The following ENPEP variants were observed in gnomAD, a reference collection of about 807,000 sequenced individuals.
The protein encoded by ENPEP is AP-A.
ENPEP carries 103 observed loss-of-function variants against 114.5 expected under a neutral mutation model. That is an observed-to-expected ratio of 0.90 (90% confidence interval 0.77 to 1.06). The LOEUF is 1.06. Ranked by LOEUF, ENPEP falls within the 50% of genes least tolerant of loss-of-function variation. The probability of loss-of-function intolerance (pLI) is 0.00; values close to 1 mark genes in which losing one functional copy is unlikely to be tolerated. For synonymous variants in ENPEP, 420 were observed against 422.0 expected (o/e 1.00, Z 0.06); for missense variants, 1,196 against 1,161.3 (o/e 1.03, Z -0.43).
chr4:110,549,800 G>C lies in ENPEP; in HGVS notation c.2415G>C (p.Glu805Asp), dbSNP rs778466942. 12 of 1,613,428 alleles carry C rather than the reference G, an allele frequency of 7.4e-6. No individual in the cohort carries two copies. Among genetic ancestry groups the C allele is most frequent in the Non-Finnish European group, 1.0e-5 (12 of 1,179,580 alleles). ...AGATTTCATGGAACTACACTCTTGA[G>C]CAATACCAGAAAACTTCATTAGCTC... Reference protein sequence around the residue: ...GNEISWNYTLEQYQKTSLAQE... With the variant: ...GNEISWNYTLDQYQKTSLAQE... Residue 805 changes from glutamate to aspartate, a missense_variant, in exon 17 of 20, where the codon GAG becomes GAC. Glu to Asp is a conservative substitution (Grantham distance 45). Transcript: ENST00000265162.
chr4:110,533,830 G>A (rs1362992369), intron 11 of ENPEP, among the ~76,000 whole-genome samples: 1 of 152,084 alleles, frequency 6.6e-6, no homozygotes, highest in Admixed American at 6.5e-5. Context: ...GAGCTTATTT[G>A]TTATTGTTGT....
At chr4:110,536,958 G>T (rs1251934663) in intron 11 of ENPEP, among the ~76,000 whole-genome samples, 1 of 152,126 alleles carries the variant, frequency 6.6e-6, no homozygotes, top group Non-Finnish European at 1.5e-5. Context: ...TACAAGTGAT[G>T]TTTACACTAT....
At chr4:110,488,790 T>A (rs749672413) in intron 2 of ENPEP, 108 bp downstream of exon 2, 31 of 1,401,056 alleles carry the variant, frequency 2.2e-5, no homozygotes, top group Non-Finnish European at 2.8e-5. Context: ...AAACTAAATG[T>A]GCACTAATAG....
chr4:110,536,626 C>T (rs1230945761), intron 11 of ENPEP, among the ~76,000 whole-genome samples: 1 of 152,164 alleles, frequency 6.6e-6, no homozygotes, highest in Non-Finnish European at 1.5e-5. Context: ...TTCTGTAGGA[C>T]CAGACCTGTC....
chr4:110,549,232 G>C (rs186214938), intron 14 of ENPEP, 114 bp from the exon 15 acceptor site: 170 of 850,352 alleles, frequency 2.0e-4, no homozygotes, highest in East Asian at 1.1e-3. Flanking sequence ...CAAGCGCAAA[G>C]TTCTCTGAAT....
chr4:110,515,644 T>C, intron 8 of ENPEP: 6 of 619,468 alleles, frequency 9.7e-6, no homozygotes, highest in Non-Finnish European at 1.8e-5. Flanking sequence ...TTAGCAGAAG[T>C]CTCATGGAGA....
intron 3 of ENPEP, among the ~76,000 whole-genome samples, chr4:110,503,830 G>A (rs949419720): frequency 2.0e-5 from 3 of 152,200 alleles, no homozygotes; most frequent in African/African-American, 7.2e-5. Context: ...TCTCAGGGGC[G>A]TTATGTTAGC....
rs1267259798 is a variant in ENPEP at position 110,564,036 on chromosome 4, G to A, written c.*2478G>A. On this transcript the variant is annotated 3_prime_UTR_variant, in exon 20 of 20. Transcript: ENST00000265162. ...GGGATGAGAAGGAAGTAGAAAAGAG[G>A]GGATTCAAATTACCAGTGGTGCTTT... 6.6e-6 allele frequency: 1 copy of A among 151,310 alleles called. No homozygotes were observed. The highest frequency in any genetic ancestry group is 2.4e-5 in the African/African-American group (1 of 41,226). 9.4% of individuals were successfully genotyped at this position (151,310 alleles called of 1,614,324 possible). A position where few individuals can be genotyped will look rare whatever the true frequency, so the allele number is the denominator to read the frequency against.
chr4:110,542,991 ATC>A, intron 12 of ENPEP, 22 bp from the exon 13 acceptor site: 1 of 1,612,264 alleles, frequency 6.2e-7, no homozygotes, highest in Non-Finnish European at 8.5e-7. Flanking sequence ...TTGTGTTTTT[ATC>A]TCTCTTTCTC....
intron 14 of ENPEP, 86 bp downstream of exon 14, chr4:110,548,412 G>A: frequency 3.4e-6 from 4 of 1,181,600 alleles, no homozygotes; most frequent in Non-Finnish European, 4.5e-6. Flanking sequence ...GAGCTCTTGG[G>A]GACCTAAACC....
chr4:110,552,383 T>C (rs1003748752), intron 17 of ENPEP, among the ~76,000 whole-genome samples: 1 of 152,196 alleles, frequency 6.6e-6, no homozygotes, highest in Non-Finnish European at 1.5e-5. Flanking sequence ...AGGGTCTTGA[T>C]ATATTAATAA....
intron 2 of ENPEP, among the ~76,000 whole-genome samples, chr4:110,489,858 A>G (rs937010340): frequency 1.3e-5 from 2 of 152,202 alleles, no homozygotes; most frequent in Non-Finnish European, 2.9e-5. Flanking sequence ...AAATATTGTC[A>G]TTAAAATTCA....
At position 110,563,008 on chromosome 4, in the gene ENPEP, A is replaced by G. The variant is rs1727726700; in HGVS notation, c.*1450A>G. The G allele has an allele frequency of 1.3e-5, 2 of 152,200 alleles. No homozygotes were observed. The highest frequency in any genetic ancestry group is 4.8e-5 in the African/African-American group (2 of 41,462). 9.4% of individuals were successfully genotyped at this position (152,200 alleles called of 1,614,324 possible). A position where few individuals can be genotyped will look rare whatever the true frequency, so the allele number is the denominator to read the frequency against. On this transcript the variant is annotated 3_prime_UTR_variant, in exon 20 of 20. Coordinates refer to ENST00000265162, the MANE Select transcript of ENPEP (RefSeq NM_001977.4). ...ACTTCTCAATCCGTACAGCCAAACT[A>G]GTAAATTCAAATGTAGACTGGGTTG...
At chr4:110,556,272 C>T (rs186092700) in intron 18 of ENPEP, among the ~76,000 whole-genome samples, 17 of 151,914 alleles carry the variant, frequency 1.1e-4, no homozygotes, top group East Asian at 3.9e-4. Flanking sequence ...TGTAATGCAA[C>T]CACCAAGAAA....
chr4:110,513,640 G>C (rs1725661603), intron 7 of ENPEP, 91 bp downstream of exon 7: 2 of 1,491,210 alleles, frequency 1.3e-6, no homozygotes, highest in African/African-American at 1.4e-5. Flanking sequence ...TGGTCACACT[G>C]TGCCAGTGAG....
intron 4 of ENPEP, among the ~76,000 whole-genome samples, chr4:110,507,694 G>A (rs1246613095): frequency 1.3e-5 from 2 of 152,216 alleles, no homozygotes; most frequent in Non-Finnish European, 2.9e-5. Context: ...CAGAATATTG[G>A]GCCAGGTGCA....
At chr4:110,531,337 T>C (rs1268397360) in intron 11 of ENPEP, 60 bp downstream of exon 11, 4 of 1,271,958 alleles carry the variant, frequency 3.1e-6, no homozygotes, top group Admixed American at 2.7e-5. Flanking sequence ...TAAACTAATA[T>C]AAGTATAAAG....
chr4:110,503,777 T>C (rs935702735), intron 3 of ENPEP, among the ~76,000 whole-genome samples: 1 of 152,150 alleles, frequency 6.6e-6, no homozygotes, highest in Non-Finnish European at 1.5e-5. Flanking sequence ...GGACGAAGTG[T>C]TTGTGCTGGG....
At chr4:110,534,460 A>AATCATTGTT (rs545502752) in intron 11 of ENPEP, among the ~76,000 whole-genome samples, 45 of 149,424 alleles carry the variant, frequency 3.0e-4, no homozygotes, top group Non-Finnish European at 3.3e-4. Context: ...TTTTAAACAA[A>AATCATTGTT]ATCATTGTTA....
Sources: allele counts gnomAD v4.1 joint callset (sites outside exome capture counted in the v4.1 genomes callset), GRCh38; gene constraint gnomAD v4.1.1; transcripts MANE v1.5; gene names NCBI Gene and HGNC (gene_info 2026-07-23, HGNC 2026-07-21).